Variants in LIN9 observed in about 807,000 individuals in gnomAD.
The protein encoded by LIN9 is protein lin-9 homolog.
Under a neutral mutation model 78.0 loss-of-function variants are expected in LIN9, and 18 were observed. The observed-to-expected ratio is 0.23, with a 90% CI of 0.16 to 0.34. The LOEUF is 0.34. Among genes scored for constraint, LIN9 ranks in the 10% least tolerant of loss-of-function variants. The probability of loss-of-function intolerance (pLI) is 1.00; values close to 1 mark genes in which losing one functional copy is unlikely to be tolerated. For missense variants in LIN9, 451 were observed against 644.1 expected, an observed-to-expected ratio of 0.70 and a Z score of 3.25; for synonymous variants, 192 against 215.2, an observed-to-expected ratio of 0.89 and a Z score of 0.94.
At chr1:226,278,344 G>A (rs990760187) in intron 6 of LIN9, among the ~76,000 whole-genome samples, 5 of 150,858 alleles carry the variant, frequency 3.3e-5, no homozygotes, top group South Asian at 2.1e-4. Flanking sequence ...CAGGAGAATC[G>A]CTTGAATCTG....
Position 226,291,964 on chromosome 1 carries a change from A to C in LIN9, c.264+3878T>G, listed in dbSNP as rs537699997. ...AAGAAGAAAAAAGAAAAAATTTATA[A>C]GTGAGGAGATGTTTAGCATAAATAA... On this transcript the variant is annotated intron_variant, in intron 4 of 14. Coordinates refer to ENST00000681046, the MANE Select transcript of LIN9 (RefSeq NM_001366245.2). 4.6e-5 allele frequency among the ~76,000 whole-genome samples: 7 copies of C among 152,314 alleles called. No homozygotes were observed. The East Asian group carries it at 1.3e-3, about 29-fold the overall frequency.
In LIN9 at chr1:226,265,537, T is replaced by C. The variant is rs1468498203; in HGVS notation, c.1034A>G (p.Gln345Arg). 1 of 1,587,792 alleles carries C rather than the reference T, an allele frequency of 6.3e-7. No individual in the cohort carries two copies. The highest frequency in any genetic ancestry group is 8.6e-7 in the Non-Finnish European group (1 of 1,157,236). The stretch of plus-strand genomic sequence containing the variant: ...GATATTCAGAACAATTCTTACCACT[T>C]GGATAAGAAATTCTACTGGAAAACC... Reference protein sequence around the residue: ...LGGFPVEFLIQVTRLSKILMI... With the variant: ...LGGFPVEFLIRVTRLSKILMI... The change falls in exon 10 of 15, where the codon CAA (glutamine) becomes CGA (arginine). Residue 345 changes from glutamine (Q) to arginine (R), a missense_variant. Gln to Arg is a conservative substitution (Grantham distance 43). Transcript: ENST00000681046. The surrounding 1 kb of genome is among the most constrained non-coding windows in gnomAD (Gnocchi z 4.1).
In LIN9 at chr1:226,309,082, G is replaced by C. The variant is rs150969195; in HGVS notation, c.31+27C>G. ...CTGGGCAAGCAGCAGGCGGGAAAAG[G>C]GGGGGGTGCTTTGAGGTGCTACTCA... is the stretch of plus-strand genomic sequence containing the variant. On this transcript the variant is annotated intron_variant, in intron 1 of 14. Transcript: ENST00000681046. 716 of 1,310,180 alleles carry C rather than the reference G, an allele frequency of 5.5e-4. 10 individuals carry two copies. In the South Asian group the frequency reaches 0.015, roughly 28 times the overall value. 81.2% of individuals were successfully genotyped at this position (1,310,180 alleles called of 1,614,324 possible).
At chr1:226,274,629 T>C (rs886217536) in intron 7 of LIN9, among the ~76,000 whole-genome samples, 1 of 152,120 alleles carries the variant, frequency 6.6e-6, no homozygotes, top group Non-Finnish European at 1.5e-5. Flanking sequence ...GTTATCTTGC[T>C]TAATATTGTC....
chr1:226,257,730 CA>C (rs1199119413), intron 10 of LIN9, among the ~76,000 whole-genome samples: 1 of 151,166 alleles, frequency 6.6e-6, no homozygotes, highest in African/African-American at 2.4e-5. Flanking sequence ...CCATAAAACA[CA>C]AAAAAAGAGT....
chr1:226,283,772 AC>A (rs987701533), intron 6 of LIN9, among the ~76,000 whole-genome samples: 1 of 151,764 alleles, frequency 6.6e-6, no homozygotes, highest in Non-Finnish European at 1.5e-5. Flanking sequence ...ACATGGTGAA[AC>A]CCCGTCTCTA....
chr1:226,278,361 G>A (rs187494569), intron 6 of LIN9, among the ~76,000 whole-genome samples: 29 of 148,572 alleles, frequency 2.0e-4, no homozygotes, highest in African/African-American at 4.7e-4. Flanking sequence ...TCTGGGAGGC[G>A]GAGGTTGCAG....
upstream of LIN9, chr1:226,309,556 C>CG: frequency 8.5e-7 from 1 of 1,180,432 alleles, no homozygotes; most frequent in Non-Finnish European, 1.1e-6. Flanking sequence ...GAGGCCCCGG[C>CG]GGGGGGAAAG....
At chr1:226,309,333 G>C (rs1342841508), upstream of LIN9, 10 of 996,984 alleles carry the variant, frequency 1.0e-5, no homozygotes, top group Non-Finnish European at 1.2e-5. Flanking sequence ...CGCCGAAGGG[G>C]GGCCGCGCCT....
At chr1:226,288,550 A>T (rs933992614) in intron 4 of LIN9, among the ~76,000 whole-genome samples, 1 of 152,236 alleles carries the variant, frequency 6.6e-6, no homozygotes, top group Non-Finnish European at 1.5e-5. Context: ...AAACAGTAAG[A>T]AAATTTAATG....
chr1:226,253,971 T>TGC lies in LIN9; in HGVS notation c.1039-3053_1039-3052insGC, dbSNP rs1408169002. On this transcript the variant is annotated intron_variant, in intron 10 of 14. Transcript: ENST00000681046. ...AAGGCCGGGTGTGGTAGCTTATAGCTACCCAGGCTGAGTGCAGTAGCGTGA... is the reference window on the plus strand; with the variant it reads ...AAGGCCGGGTGTGGTAGCTTATAGCTGCACCCAGGCTGAGTGCAGTAGCGTGA... 3.9e-5 allele frequency among the ~76,000 whole-genome samples: 6 copies of TGC among 152,178 alleles called. 1 individual carries two copies. The East Asian group carries it at 1.2e-3, about 29-fold the overall frequency.
At chr1:226,298,773 T>C (rs1300275771) in intron 2 of LIN9, among the ~76,000 whole-genome samples, 1 of 151,846 alleles carries the variant, frequency 6.6e-6, no homozygotes, top group Admixed American at 6.6e-5. Context: ...AGGCAGAGAA[T>C]TGCTGGAACC....
At chr1:226,284,871 T>C (rs1450233033) in intron 6 of LIN9, among the ~76,000 whole-genome samples, 3 of 152,252 alleles carry the variant, frequency 2.0e-5, no homozygotes, top group Non-Finnish European at 4.4e-5. Flanking sequence ...TCTTAGGTTC[T>C]TTCCTGGTAG....
At chr1:226,260,856 A>G (rs1476517823) in intron 10 of LIN9, among the ~76,000 whole-genome samples, 1 of 151,922 alleles carries the variant, frequency 6.6e-6, no homozygotes, top group African/African-American at 2.4e-5. Flanking sequence ...CATGTTAGCC[A>G]GGATGGTCTC....
At chr1:226,285,613 CA>C (rs2102623022) in intron 6 of LIN9, among the ~76,000 whole-genome samples, 1 of 152,170 alleles carries the variant, frequency 6.6e-6, no homozygotes, top group East Asian at 1.9e-4. Context: ...AATTTTCACT[CA>C]AAAGTAATAT....
At chr1:226,257,914 T>G (rs1659304175) in intron 10 of LIN9, among the ~76,000 whole-genome samples, 1 of 152,152 alleles carries the variant, frequency 6.6e-6, no homozygotes, top group African/African-American at 2.4e-5. Context: ...CCAGGTGTGG[T>G]GGCTCATGCC....
At chr1:226,254,740 T>C (rs1050832861) in intron 10 of LIN9, among the ~76,000 whole-genome samples, 1 of 151,898 alleles carries the variant, frequency 6.6e-6, no homozygotes, top group East Asian at 1.9e-4. Context: ...TGAAACCCCA[T>C]CTCTACTAAA....
chr1:226,267,908 A>G, intron 8 of LIN9, 49 bp downstream of exon 8: 1 of 1,559,912 alleles, frequency 6.4e-7, no homozygotes, highest in Non-Finnish European at 8.7e-7. Flanking sequence ...ACTCTATATA[A>G]CACATTTAAC....
At chr1:226,299,852 T>C (rs1463661705) in intron 2 of LIN9, among the ~76,000 whole-genome samples, 2 of 152,110 alleles carry the variant, frequency 1.3e-5, no homozygotes, top group Admixed American at 6.6e-5. Flanking sequence ...ATGTCAAACT[T>C]TTTCTTAGAA....
Sources: gnomAD v4.1 joint callset for allele counts (sites outside exome capture counted in the v4.1 genomes callset) on GRCh38, gnomAD v4.1.1 for gene constraint, Gnocchi (gnomAD v3.1) non-coding constraint, MANE v1.5 for transcripts, NCBI Gene and HGNC (gene_info 2026-07-23, HGNC 2026-07-21) for gene names.